GALNT17: variants seen among roughly 807,000 people sequenced by gnomAD.
GALNT17 encodes UDP-GalNAc:polypeptide N-acetylgalactosaminyltransferase-like 3.
GALNT17 carries 29 observed loss-of-function variants against 63.7 expected under a neutral mutation model. The ratio of observed to expected loss-of-function variants is 0.46; its 90% CI spans 0.34 to 0.62. The LOEUF is 0.62. GALNT17 is among the 20% of genes least tolerant of loss of function. GALNT17 has a pLI of 0.01. For synonymous variants in GALNT17, 305 were observed against 318.3 expected, an observed-to-expected ratio of 0.96 and a Z score of 0.45; for missense variants, 603 against 799.6, an observed-to-expected ratio of 0.75 and a Z score of 2.97.
At chr7:71,655,809 C>T (rs933847701) in intron 6 of GALNT17, among the ~76,000 whole-genome samples, 5 of 152,118 alleles carry the variant, frequency 3.3e-5, no homozygotes, top group African/African-American at 1.2e-4. Context: ...CAGGGAACAG[C>T]ATTCTTAGAA....
chr7:71,423,414 T>A (rs1316270453), intron 5 of GALNT17, among the ~76,000 whole-genome samples: 1 of 152,178 alleles, frequency 6.6e-6, no homozygotes, highest in East Asian at 1.9e-4. Context: ...TTATGTGAGT[T>A]CTACTTGAGG....
chr7:71,544,463 C>A (rs1443572546), intron 5 of GALNT17, among the ~76,000 whole-genome samples: 1 of 152,030 alleles, frequency 6.6e-6, no homozygotes, highest in African/African-American at 2.4e-5. Context: ...TCACGCCTAC[C>A]CTAAAGGATA....
intron 2 of GALNT17, among the ~76,000 whole-genome samples, chr7:71,358,103 C>T (rs1792323493): frequency 6.6e-6 from 1 of 152,210 alleles, no homozygotes; most frequent in Non-Finnish European, 1.5e-5. Flanking sequence ...CTGCTGCTCA[C>T]TTTTTGGGTC....
chr7:71,467,831 T>A (rs1359337711), intron 5 of GALNT17, among the ~76,000 whole-genome samples: 1 of 152,016 alleles, frequency 6.6e-6, no homozygotes, highest in African/African-American at 2.4e-5. Flanking sequence ...CCAGGAAAAC[T>A]GTCCATGGAT....
chr7:71,470,045 C>A (rs767095280), intron 5 of GALNT17, among the ~76,000 whole-genome samples: 1 of 152,070 alleles, frequency 6.6e-6, no homozygotes, highest in East Asian at 1.9e-4. Context: ...CCTGTCTCTA[C>A]TAAAAATAAA....
rs563784068 is a variant in GALNT17 at position 71,650,288 on chromosome 7, C to T, written c.1081-15123C>T. Among the ~76,000 whole-genome samples, 41 of 152,296 alleles carry T rather than the reference C, an allele frequency of 2.7e-4. 2 individuals are homozygous for T. The South Asian group carries it at 7.1e-3, about 26-fold the overall frequency. On this transcript the variant is annotated intron_variant, in intron 6 of 10. Transcript: ENST00000333538. ...TGAGATGGAGTCTCACTCACTCTGT[C>T]GCCGAGGCTGGAGCACAGTGGCATG... is the stretch of plus-strand genomic sequence containing the variant.
chr7:71,359,377 G>T (rs1792354655), intron 2 of GALNT17, among the ~76,000 whole-genome samples: 1 of 151,970 alleles, frequency 6.6e-6, no homozygotes, highest in Non-Finnish European at 1.5e-5. Flanking sequence ...CGGGTGCCAG[G>T]CTCTTTTCAA....
chr7:71,598,007 C>T lies in GALNT17; in HGVS notation c.1080+26605C>T, dbSNP rs534680689. ...TCACCTAGGCTGGAGTGCAGTGGCG[C>T]AGTCTCGGCTCACTGCAACCTCCAC... On this transcript the variant is annotated intron_variant, in intron 6 of 10. Transcript: ENST00000333538. 2.7e-4 allele frequency among the ~76,000 whole-genome samples: 41 copies of T among 151,884 alleles called. No individual in the cohort carries two copies. The East Asian group carries it at 7.7e-3, about 29-fold the overall frequency.
chr7:71,382,741 G>A lies in GALNT17; in HGVS notation c.423-5494G>A, dbSNP rs139353153. Reference sequence around the variant, plus strand: ...CTTCTTTTCCAAACCAAAGGGCAGTGCGTTCATTCGGGTTCCCTAGAGAAA... The same window carrying A: ...CTTCTTTTCCAAACCAAAGGGCAGTACGTTCATTCGGGTTCCCTAGAGAAA... On this transcript the variant is annotated intron_variant, in intron 2 of 10. Transcript: ENST00000333538. Among the ~76,000 whole-genome samples the A allele has an allele frequency of 7.7e-3, 1,175 of 152,288 alleles. 9 individuals carry two copies. The highest frequency in any genetic ancestry group is 0.013 in the Admixed American group (198 of 15,298).
intron 5 of GALNT17, among the ~76,000 whole-genome samples, chr7:71,548,941 C>T (rs189000076): frequency 1.5e-3 from 227 of 152,246 alleles, no homozygotes; most frequent in African/African-American, 5.1e-3. Context: ...TTGTGGTTTA[C>T]GTCACTGAGC....
At chr7:71,288,791 G>A (rs1434992162) in intron 1 of GALNT17, among the ~76,000 whole-genome samples, 2 of 152,004 alleles carry the variant, frequency 1.3e-5, no homozygotes, top group East Asian at 3.9e-4. Flanking sequence ...CAGCTAGAGA[G>A]TGCAGGAGAG....
intron 1 of GALNT17, among the ~76,000 whole-genome samples, chr7:71,264,290 T>C (rs1790448056): frequency 6.6e-6 from 1 of 152,174 alleles, no homozygotes; most frequent in African/African-American, 2.4e-5. Flanking sequence ...CACAACCCTT[T>C]ATTTAGTCTT....
intron 2 of GALNT17, among the ~76,000 whole-genome samples, chr7:71,369,195 G>A (rs12538919): frequency 0.18 from 27,775 of 152,224 alleles, 3,329 homozygotes; most frequent in Non-Finnish European, 0.27. Flanking sequence ...ATTGATTAAT[G>A]TATTAAACCA....
At chr7:71,514,542 C>T (rs1210359856) in intron 5 of GALNT17, among the ~76,000 whole-genome samples, 1 of 152,138 alleles carries the variant, frequency 6.6e-6, no homozygotes, top group Non-Finnish European at 1.5e-5. Flanking sequence ...CCATCCTCAT[C>T]CAATACCCAT....
At chr7:71,683,176 G>A (rs372745978) in intron 9 of GALNT17, among the ~76,000 whole-genome samples, 47 of 152,220 alleles carry the variant, frequency 3.1e-4, no homozygotes, top group African/African-American at 1.0e-3. Context: ...AGTGGGCCCC[G>A]GCTGCTTTCC....
chr7:71,601,211 A>G (rs527295543), intron 6 of GALNT17, among the ~76,000 whole-genome samples: 1 of 151,868 alleles, frequency 6.6e-6, no homozygotes, highest in East Asian at 1.9e-4. Context: ...TGGTTCCATG[A>G]TTTTGCAATT....
At chr7:71,429,153 G>A (rs1404634204) in intron 5 of GALNT17, among the ~76,000 whole-genome samples, 3 of 152,128 alleles carry the variant, frequency 2.0e-5, no homozygotes, top group Non-Finnish European at 4.4e-5. Context: ...GTGTGGACAC[G>A]AAGAGCCCTG....
chr7:71,281,808 G>A (rs1180754643), intron 1 of GALNT17, among the ~76,000 whole-genome samples: 3 of 152,098 alleles, frequency 2.0e-5, no homozygotes, highest in Admixed American at 2.0e-4. Context: ...TCCCAGTGTG[G>A]GAACAATTTA....
At chr7:71,418,672 G>T (rs1786596714) in intron 4 of GALNT17, among the ~76,000 whole-genome samples, 1 of 152,214 alleles carries the variant, frequency 6.6e-6, no homozygotes, top group South Asian at 2.1e-4. Context: ...GAGACTGGGG[G>T]AAGGAGTGTG....
Sources: allele counts gnomAD v4.1 joint callset (sites outside exome capture counted in the v4.1 genomes callset), GRCh38; gene constraint gnomAD v4.1.1; transcripts MANE v1.5; gene names NCBI Gene and HGNC (gene_info 2026-07-23, HGNC 2026-07-21).